The following CD82 variants were observed in gnomAD, a reference collection of about 807,000 sequenced individuals.
The protein encoded by CD82 is CD82 molecule, also known as CD82 antigen.
In CD82, 36 loss-of-function variants were observed where a neutral mutation model predicts 37.4. The observed-to-expected ratio is 0.96, with a 90% confidence interval of 0.74 to 1.27. The LOEUF (loss-of-function observed/expected upper bound fraction) is 1.27. Among genes scored for constraint, CD82 ranks in the 50% most tolerant of loss-of-function variants. The pLI, the probability that CD82 is intolerant of heterozygous loss-of-function variation, is 0.00. For missense variants in CD82, 340 were observed against 347.0 expected, an observed-to-expected ratio of 0.98 and a Z score of 0.16; for synonymous variants, 158 against 137.4, an observed-to-expected ratio of 1.15 and a Z score of -1.05.
At chr11:44,593,891 G>T (rs564262796) in intron 2 of CD82, among the ~76,000 whole-genome samples, 3 of 151,988 alleles carry the variant, frequency 2.0e-5, no homozygotes, top group Admixed American at 2.0e-4. Flanking sequence ...AAACTATGAA[G>T]AGCATTTTAT....
intron 3 of CD82, among the ~76,000 whole-genome samples, chr11:44,598,400 A>ATTTTTTTTTTTTTTTTTTTTTTTTTT (rs71038809): frequency 1.7e-5 from 1 of 58,878 alleles, no homozygotes; most frequent in Non-Finnish European, 3.0e-5. Context: ...TTTGGCCTTA[A>ATTTTTTTTTTTTTTTTTTTTTTTTTT]TTTTTTTTTT....
At chr11:44,580,511 G>A (rs1361531164) in intron 1 of CD82, among the ~76,000 whole-genome samples, 1 of 152,178 alleles carries the variant, frequency 6.6e-6, no homozygotes, top group African/African-American at 2.4e-5. Context: ...TGGATCACTT[G>A]AGATCAGGCT....
chr11:44,596,389 G>T (rs1853227489), intron 3 of CD82, among the ~76,000 whole-genome samples: 1 of 152,284 alleles, frequency 6.6e-6, no homozygotes, highest in Non-Finnish European at 1.5e-5. Context: ...CTAGAGAGAG[G>T]AGCCTGGGCT....
At chr11:44,578,383 G>T (rs188501972) in intron 1 of CD82, among the ~76,000 whole-genome samples, 1 of 152,256 alleles carries the variant, frequency 6.6e-6, no homozygotes, top group East Asian at 1.9e-4. Flanking sequence ...CGATGGTGTT[G>T]CCACATGTCC....
In CD82 at chr11:44,567,753, G is replaced by A. The variant is rs147380663; in HGVS notation, c.-103+2017G>A. Among the ~76,000 whole-genome samples, 409 of 152,298 alleles carry A rather than the reference G, an allele frequency of 2.7e-3. 3 individuals are homozygous for A. The highest frequency in any genetic ancestry group is 9.5e-3 in the African/African-American group (394 of 41,560). The stretch of plus-strand genomic sequence containing the variant: ...CGACCACATAAGGCCTGCACCCTCA[G>A]GTTGCTTACCATCCGGGAAGGGGCT... On this transcript the variant is annotated intron_variant, in intron 1 of 9. Coordinates refer to ENST00000227155, the MANE Select transcript of CD82 (RefSeq NM_002231.4).
At chr11:44,609,864 T>C (rs191242683) in intron 6 of CD82, among the ~76,000 whole-genome samples, 119 of 152,256 alleles carry the variant, frequency 7.8e-4, no homozygotes, top group Non-Finnish European at 1.2e-3. Context: ...GGAAAGACAC[T>C]TGGGCTAGAA....
chr11:44,605,491 G>T, intron 6 of CD82, 62 bp downstream of exon 6: 1 of 1,500,256 alleles, frequency 6.7e-7, no homozygotes, highest in Non-Finnish European at 9.3e-7. Context: ...GATTGACTGA[G>T]TGTGGGGGAT....
intron 2 of CD82, among the ~76,000 whole-genome samples, chr11:44,593,263 C>G (rs1316187827): frequency 6.6e-6 from 1 of 152,256 alleles, no homozygotes; most frequent in Non-Finnish European, 1.5e-5. Flanking sequence ...AAGCCCGGGC[C>G]TCCGGCTTTC....
chr11:44,619,312 C>T lies in CD82; in HGVS notation c.*186C>T. 1.7e-6 allele frequency: 1 copy of T among 590,882 alleles called. No individual in the cohort carries two copies. The highest frequency in any genetic ancestry group is 3.0e-6 in the Non-Finnish European group (1 of 329,888). 36.6% of individuals were successfully genotyped at this position (590,882 alleles called of 1,614,324 possible). A position where few individuals can be genotyped will look rare whatever the true frequency, so the allele number is the denominator to read the frequency against. On this transcript the variant is annotated 3_prime_UTR_variant, in exon 10 of 10. Coordinates refer to ENST00000227155, the MANE Select transcript of CD82 (RefSeq NM_002231.4). ...TGGCCTATCCGCTGCCAGCCTTGAG[C>T]CCTGGCTGTTCTGTGGTTCCTCTGC...
chr11:44,571,065 G>A (rs760021438), intron 1 of CD82, among the ~76,000 whole-genome samples: 6 of 152,190 alleles, frequency 3.9e-5, no homozygotes, highest in Admixed American at 6.5e-5. Flanking sequence ...GTGGAAGGGT[G>A]ATCTGGTGTG....
At chr11:44,618,588 C>T (rs372966901) in intron 8 of CD82, 52 bp from the exon 9 acceptor site, 219 of 1,454,970 alleles carry the variant, frequency 1.5e-4, no homozygotes, top group Admixed American at 5.7e-4. Context: ...TTCTGCATGG[C>T]GGGGTGGGAT....
rs56665683 is a variant in CD82 at position 44,590,610 on chromosome 11, C to CAAAAAAAAAAAAAAAAAAAAAA, written c.-21+3074_-21+3075insAAAAAAAAAAAAAAAAAAAAAA. ...TGGGCAACAGAGGGAGATTCTGTCTCAAAAAAAAAAAAAAAAAAAAGATGA... is the reference window on the plus strand; with the variant it reads ...TGGGCAACAGAGGGAGATTCTGTCTCAAAAAAAAAAAAAAAAAAAAAAAAAAAAAAAAAAAAAAAAAAGATGA... On this transcript the variant is annotated intron_variant, in intron 2 of 9. Transcript: ENST00000227155. 3.0e-4 allele frequency among the ~76,000 whole-genome samples: 10 copies of CAAAAAAAAAAAAAAAAAAAAAA among 33,454 alleles called. 1 individual carries two copies. Among genetic ancestry groups the CAAAAAAAAAAAAAAAAAAAAAA allele is most frequent in the Admixed American group, 1.0e-3 (2 of 1,910 alleles). 21.9% of individuals were successfully genotyped at this position (33,454 alleles called of 152,430 possible). A position where few individuals can be genotyped will look rare whatever the true frequency, so the allele number is the denominator to read the frequency against.
chr11:44,575,120 T>C (rs149088163), intron 1 of CD82, among the ~76,000 whole-genome samples: 24 of 152,292 alleles, frequency 1.6e-4, no homozygotes, highest in African/African-American at 5.8e-4. Flanking sequence ...TGGGGGAGCG[T>C]TCTGTCTGTC....
intron 3 of CD82, chr11:44,596,917 G>A (rs1345076936): frequency 1.5e-5 from 7 of 456,234 alleles, no homozygotes; most frequent in South Asian, 1.1e-4. Context: ...GGGGGTACTA[G>A]GAACAGATAG....
chr11:44,611,103 G>A (rs2134684775), intron 6 of CD82, among the ~76,000 whole-genome samples: 1 of 152,274 alleles, frequency 6.6e-6, no homozygotes, highest in East Asian at 1.9e-4. Context: ...CCAAAGTGTT[G>A]GGATTACACG....
At chr11:44,593,653 A>G (rs1376429998) in intron 2 of CD82, among the ~76,000 whole-genome samples, 2 of 152,204 alleles carry the variant, frequency 1.3e-5, no homozygotes, top group African/African-American at 4.8e-5. Flanking sequence ...ACTTGGAAAC[A>G]ACCTGTGTGT....
intron 9 of CD82, 46 bp downstream of exon 9, chr11:44,618,769 G>T (rs1227458570): frequency 4.6e-6 from 7 of 1,524,326 alleles, no homozygotes; most frequent in Non-Finnish European, 6.3e-6. Flanking sequence ...GGTCCTCCTG[G>T]GTTGTCTCTG....
At chr11:44,614,804 G>T (rs922897131) in intron 6 of CD82, among the ~76,000 whole-genome samples, 3 of 152,202 alleles carry the variant, frequency 2.0e-5, no homozygotes, top group African/African-American at 4.8e-5. Context: ...TCTAGGGGAA[G>T]AGCATTCCAG....
chr11:44,571,941 CT>C (rs1409812504), intron 1 of CD82, among the ~76,000 whole-genome samples: 39 of 152,330 alleles, frequency 2.6e-4, no homozygotes, highest in African/African-American at 8.4e-4. Flanking sequence ...ATCAGGGGAC[CT>C]GGGCTCCGTT....
Sources: allele counts gnomAD v4.1 joint callset (sites outside exome capture counted in the v4.1 genomes callset), GRCh38; gene constraint gnomAD v4.1.1; transcripts MANE v1.5; gene names NCBI Gene and HGNC (gene_info 2026-07-23, HGNC 2026-07-21).